Variants in PIK3C3 observed in about 807,000 individuals in gnomAD.
PIK3C3 encodes the protein PI3-kinase type 3.
In PIK3C3, 95 loss-of-function variants were observed where a neutral mutation model predicts 126.1. The ratio of observed to expected loss-of-function variants is 0.75; its 90% CI spans 0.64 to 0.89. The LOEUF is 0.89. PIK3C3 is among the 40% of genes least tolerant of loss of function. The pLI is 0.00. For missense variants in PIK3C3, 829 were observed against 1,063.2 expected, an observed-to-expected ratio of 0.78 and a Z score of 3.06; for synonymous variants, 374 against 360.0, an observed-to-expected ratio of 1.04 and a Z score of -0.44.
chr18:42,080,475 A>G (rs1005352424), intron 24 of PIK3C3, among the ~76,000 whole-genome samples: 4 of 152,182 alleles, frequency 2.6e-5, no homozygotes, highest in Non-Finnish European at 5.9e-5. Flanking sequence ...AGCAGCATTC[A>G]TAATTCCTCC....
chr18:42,080,611 C>T (rs752878149), intron 24 of PIK3C3, among the ~76,000 whole-genome samples: 3 of 152,130 alleles, frequency 2.0e-5, no homozygotes, highest in Non-Finnish European at 4.4e-5. Context: ...CAGTATTGAA[C>T]ACCATTAATA....
chr18:41,955,452 A>G (rs766383508), intron 1 of PIK3C3, 93 bp downstream of exon 1: 3 of 1,093,530 alleles, frequency 2.7e-6, no homozygotes, highest in Admixed American at 1.9e-5. Flanking sequence ...AAAGTACGTG[A>G]CTCGTCTCAA....
intron 21 of PIK3C3, among the ~76,000 whole-genome samples, chr18:42,054,876 G>C (rs1984991031): frequency 6.6e-6 from 1 of 151,748 alleles, no homozygotes; most frequent in Non-Finnish European, 1.5e-5. Context: ...ATTCCTTAAG[G>C]GCTATTAGGT....
In PIK3C3 at chr18:42,066,981, A is replaced by G. The variant is rs370243173; in HGVS notation, c.2524-407A>G. Among the ~76,000 whole-genome samples the G allele has an allele frequency of 4.6e-5, 7 of 152,214 alleles. No homozygotes were observed. The East Asian group carries it at 9.7e-4, about 21-fold the overall frequency. On this transcript the variant is annotated intron_variant, in intron 23 of 24. Coordinates refer to ENST00000262039, the MANE Select transcript of PIK3C3 (RefSeq NM_002647.4). ...ATATAATCTCACCTTGCTTCATCCAATTCACAAGGAATAACAGGAATAAAG... is the reference window on the plus strand; with the variant it reads ...ATATAATCTCACCTTGCTTCATCCAGTTCACAAGGAATAACAGGAATAAAG...
At chr18:41,963,837 T>G (rs1419152976) in intron 3 of PIK3C3, among the ~76,000 whole-genome samples, 2 of 151,906 alleles carry the variant, frequency 1.3e-5, no homozygotes, top group Non-Finnish European at 2.9e-5. Context: ...TTTTTTTTTT[T>G]TTTGAGTTGT....
At chr18:41,960,949 C>T (rs547417588) in intron 2 of PIK3C3, among the ~76,000 whole-genome samples, 2 of 152,064 alleles carry the variant, frequency 1.3e-5, no homozygotes, top group South Asian at 2.1e-4. Flanking sequence ...ACCATGTTGG[C>T]GAAGCTCATC....
Position 42,081,415 on chromosome 18 carries a change from A to G in PIK3C3, c.*278A>G, listed in dbSNP as rs570588673. On this transcript the variant is annotated 3_prime_UTR_variant, in exon 25 of 25. Coordinates refer to ENST00000262039, the MANE Select transcript of PIK3C3 (RefSeq NM_002647.4). ...AAATGAGAAACATTCTTATTTATGT[A>G]CATGTTATGAGAGTTCTGGAGGAAG... is the stretch of plus-strand genomic sequence containing the variant. The G allele has an allele frequency of 2.9e-6, 1 of 345,042 alleles. No homozygotes were observed. Among genetic ancestry groups the G allele is most frequent in the South Asian group, 1.3e-4 (1 of 7,988 alleles). 21.4% of individuals were successfully genotyped at this position (345,042 alleles called of 1,614,324 possible).
chr18:42,005,808 A>G (rs1051013187), intron 10 of PIK3C3, among the ~76,000 whole-genome samples: 5 of 145,606 alleles, frequency 3.4e-5, no homozygotes, highest in African/African-American at 1.2e-4. Flanking sequence ...TGAAATTTAA[A>G]CACTAAAGTA....
intron 6 of PIK3C3, among the ~76,000 whole-genome samples, chr18:41,991,587 G>A (rs1364485128): frequency 6.6e-6 from 1 of 152,030 alleles, no homozygotes; most frequent in East Asian, 1.9e-4. Flanking sequence ...TTTTATTGTT[G>A]TTTATTAAAG....
intron 24 of PIK3C3, among the ~76,000 whole-genome samples, chr18:42,080,057 C>T (rs559015620): frequency 4.0e-5 from 6 of 150,586 alleles, no homozygotes; most frequent in East Asian, 2.0e-4. Context: ...ATTTGGTCCT[C>T]GGGCATTTTG....
chr18:41,968,039 A>G (rs1980460804), intron 3 of PIK3C3, among the ~76,000 whole-genome samples: 1 of 152,196 alleles, frequency 6.6e-6, no homozygotes, highest in South Asian at 2.1e-4. Flanking sequence ...GTGTCAAAAG[A>G]AAGTAATATG....
intron 13 of PIK3C3, 42 bp downstream of exon 13, chr18:42,020,747 A>C: frequency 8.9e-7 from 1 of 1,118,026 alleles, no homozygotes; most frequent in Non-Finnish European, 1.3e-6. Flanking sequence ...TATTACCCTT[A>C]AGAATTATTT....
intron 2 of PIK3C3, among the ~76,000 whole-genome samples, chr18:41,961,821 AAAG>A (rs1980102134): frequency 6.6e-6 from 1 of 152,304 alleles, no homozygotes; most frequent in South Asian, 2.1e-4. Flanking sequence ...GTTTAAAAAA[AAAG>A]AGCTGTGGTG....
In PIK3C3 at chr18:42,078,249, C is replaced by T. The variant is rs943069505; in HGVS notation, c.2650-2874C>T. Among the ~76,000 whole-genome samples, 7 of 151,300 alleles carry T rather than the reference C, an allele frequency of 4.6e-5. No homozygotes were observed. The East Asian group carries it at 5.9e-4, about 13-fold the overall frequency. On this transcript the variant is annotated intron_variant, in intron 24 of 24. Coordinates refer to ENST00000262039, the MANE Select transcript of PIK3C3 (RefSeq NM_002647.4). Reference sequence around the variant, plus strand: ...AAAATTAGCCGGGTGCGGTGGCGGGCGCCTGTAGTCCCAGCTACTCGGGAG... The same window carrying T: ...AAAATTAGCCGGGTGCGGTGGCGGGTGCCTGTAGTCCCAGCTACTCGGGAG...
In PIK3C3 at chr18:41,962,056, T is replaced by G. The variant is rs564270725; in HGVS notation, c.258-433T>G. Among the ~76,000 whole-genome samples the G allele has an allele frequency of 7.2e-5, 11 of 152,312 alleles. No individual in the cohort carries two copies. In the East Asian group the frequency reaches 2.1e-3, roughly 29 times the overall value. On this transcript the variant is annotated intron_variant, in intron 2 of 24. Coordinates refer to ENST00000262039, the MANE Select transcript of PIK3C3 (RefSeq NM_002647.4). ...TTCTACTTTGAGTTTTTGTTTTGAT[T>G]GTTTTTTTTCCTGATTTATTCTCAG...
rs1181065365 is a variant in PIK3C3, at chr18:41,957,502, G to A, written c.69-68G>A. 6.2e-6 allele frequency: 9 copies of A among 1,461,142 alleles called. No homozygotes were observed. In the East Asian group the frequency reaches 6.9e-5, roughly 11 times the overall value. 90.5% of individuals were successfully genotyped at this position (1,461,142 alleles called of 1,614,324 possible). On this transcript the variant is annotated intron_variant, in intron 1 of 24. Transcript: ENST00000262039. ...CTTAAAGCATATATGTACATGCTTA[G>A]TACTTATGTATATATGTACATGCTT...
chr18:41,993,624 G>GA (rs1408002254), intron 7 of PIK3C3, among the ~76,000 whole-genome samples: 6 of 151,852 alleles, frequency 4.0e-5, no homozygotes, highest in African/African-American at 1.4e-4. Context: ...TCTTCAGGTT[G>GA]GGGGTATATA....
At chr18:42,020,522 T>A in intron 12 of PIK3C3, 116 bp from the exon 13 acceptor site, 1 of 620,702 alleles carries the variant, frequency 1.6e-6, no homozygotes, top group Non-Finnish European at 2.8e-6. Flanking sequence ...TGGCAGAAAA[T>A]CTGATCTATT....
In PIK3C3 at chr18:42,023,707, G is replaced by T. The variant is rs192790995; in HGVS notation, c.1484+3002G>T. 2.6e-5 allele frequency among the ~76,000 whole-genome samples: 4 copies of T among 152,028 alleles called. No individual in the cohort carries two copies. The East Asian group carries it at 7.7e-4, about 29-fold the overall frequency. On this transcript the variant is annotated intron_variant, in intron 13 of 24. Coordinates refer to ENST00000262039, the MANE Select transcript of PIK3C3 (RefSeq NM_002647.4). ...ATAAGGGAAATAATTTCAAATAGTT[G>T]GTTTAAAATGATCATTCTTCTCTTC...
Sources: allele counts gnomAD v4.1 joint callset (sites outside exome capture counted in the v4.1 genomes callset), GRCh38; gene constraint gnomAD v4.1.1; transcripts MANE v1.5; gene names NCBI Gene and HGNC (gene_info 2026-07-23, HGNC 2026-07-21).